Variants in BOC observed in about 807,000 individuals in gnomAD.
BOC encodes the protein brother of CDO.
A neutral mutation model predicts 112.0 loss-of-function variants in BOC; 76 were observed. The ratio of observed to expected loss-of-function variants is 0.68; its 90% CI spans 0.56 to 0.82. The LOEUF (loss-of-function observed/expected upper bound fraction) is 0.82. Ranked by LOEUF, BOC falls within the 40% of genes least tolerant of loss-of-function variation. BOC has a pLI of 0.00. For missense variants in BOC, 1,309 were observed against 1,511.7 expected, an observed-to-expected ratio of 0.87 and a Z score of 2.22; for synonymous variants, 580 against 599.8, an observed-to-expected ratio of 0.97 and a Z score of 0.48.
intron 2 of BOC, among the ~76,000 whole-genome samples, chr3:113,226,079 C>T (rs181449749): frequency 4.6e-5 from 7 of 152,246 alleles, no homozygotes; most frequent in Admixed American, 4.6e-4. Context: ...ATTTTCTGAA[C>T]CAAAAGACAA....
At chr3:113,281,690 G>A (rs1949216869) in intron 15 of BOC, among the ~76,000 whole-genome samples, 1 of 152,252 alleles carries the variant, frequency 6.6e-6, no homozygotes, top group Non-Finnish European at 1.5e-5. Flanking sequence ...TGGGGAGATA[G>A]CATTATCTCC....
intron 1 of BOC, among the ~76,000 whole-genome samples, chr3:113,213,582 C>A (rs1938698485): frequency 6.6e-6 from 1 of 152,226 alleles, no homozygotes; most frequent in East Asian, 1.9e-4. Flanking sequence ...ATCTGGGTGA[C>A]CTGTTTTCTG....
intron 4 of BOC, among the ~76,000 whole-genome samples, chr3:113,253,409 A>T (rs1490715896): frequency 1.3e-5 from 2 of 151,152 alleles, no homozygotes; most frequent in African/African-American, 2.4e-5. Context: ...AGGAACAAAA[A>T]TTTTTTTTAA....
intron 2 of BOC, among the ~76,000 whole-genome samples, chr3:113,229,106 G>A (rs952362551): frequency 6.6e-6 from 1 of 152,190 alleles, no homozygotes; most frequent in Non-Finnish European, 1.5e-5. Context: ...CTGCAGCTCT[G>A]AGGTGGGGTA....
chr3:113,236,276 C>A (rs1290406692), intron 2 of BOC, among the ~76,000 whole-genome samples: 29 of 45,108 alleles, frequency 6.4e-4, no homozygotes, highest in Admixed American at 1.1e-3. Flanking sequence ...GTATATATAC[C>A]CATGGGTATA....
chr3:113,276,699 A>G (rs2107692141), intron 9 of BOC, among the ~76,000 whole-genome samples: 1 of 152,246 alleles, frequency 6.6e-6, no homozygotes. Context: ...TTCCTGGTGC[A>G]TCTGCAGACC....
intron 4 of BOC, among the ~76,000 whole-genome samples, chr3:113,254,039 G>A (rs928015501): frequency 6.6e-6 from 1 of 152,202 alleles, no homozygotes; most frequent in Non-Finnish European, 1.5e-5. Flanking sequence ...GCTTCAAGGT[G>A]TATCTGTGTG....
At chr3:113,263,527 A>G (rs1044138977) in intron 4 of BOC, among the ~76,000 whole-genome samples, 3 of 152,210 alleles carry the variant, frequency 2.0e-5, no homozygotes, top group Admixed American at 2.0e-4. Flanking sequence ...GCAGGAGAAG[A>G]TTGAATGAAT....
intron 4 of BOC, among the ~76,000 whole-genome samples, chr3:113,255,309 C>G (rs918501377): frequency 3.3e-5 from 5 of 152,108 alleles, no homozygotes; most frequent in Admixed American, 6.5e-5. Flanking sequence ...CAGACCCTGC[C>G]AGGGAGCACT....
In BOC at chr3:113,287,260, T is replaced by C. The variant is rs1037844512; in HGVS notation, c.*398T>C. ...CAGCAAGGGGCACGGTATCACAGCC[T>C]GGAGACACCCACACAGATGGCTGGA... On this transcript the variant is annotated 3_prime_UTR_variant, in exon 20 of 20. Transcript: ENST00000682979. The C allele has an allele frequency of 1.2e-4, 42 of 342,724 alleles. No homozygotes were observed. The highest frequency in any genetic ancestry group is 2.1e-4 in the Non-Finnish European group (37 of 175,842). 21.2% of individuals were successfully genotyped at this position (342,724 alleles called of 1,614,324 possible).
At chr3:113,263,132 G>C (rs1947074023) in intron 4 of BOC, among the ~76,000 whole-genome samples, 1 of 152,228 alleles carries the variant, frequency 6.6e-6, no homozygotes, top group Non-Finnish European at 1.5e-5. Context: ...GGGACAAGTT[G>C]AGGCTTGGAG....
intron 4 of BOC, among the ~76,000 whole-genome samples, chr3:113,259,345 G>A (rs1027530504): frequency 2.6e-5 from 4 of 152,214 alleles, no homozygotes; most frequent in Non-Finnish European, 5.9e-5. Flanking sequence ...GGGAAGGGCT[G>A]TGTAGTATGT....
Position 113,286,983 on chromosome 3 carries a change from G to T in BOC, c.*121G>T. The T allele has an allele frequency of 9.9e-7, 1 of 1,014,026 alleles. No homozygotes were observed. The highest frequency in any genetic ancestry group is 1.5e-5 in the South Asian group (1 of 67,460). The allele number at this position is 1,014,026 out of a possible 1,614,324, so 62.8% of individuals were successfully genotyped here. A position where few individuals can be genotyped will look rare whatever the true frequency, so the allele number is the denominator to read the frequency against. On this transcript the variant is annotated 3_prime_UTR_variant, in exon 20 of 20. Transcript: ENST00000682979. The stretch of plus-strand genomic sequence containing the variant: ...ATTATAGCCATATTTATATATTTAT[G>T]CACTTGTAAATAAATGTATATGTTT...
chr3:113,273,203 A>G lies in BOC; in HGVS notation c.1096A>G (p.Ser366Gly). The G allele has an allele frequency of 6.2e-7, 1 of 1,613,796 alleles. No homozygotes were observed. Among genetic ancestry groups the G allele is most frequent in the Non-Finnish European group, 8.5e-7 (1 of 1,179,996 alleles). Residue 366 changes from serine (S) to glycine (G), a missense_variant, in exon 8 of 20, where the codon AGC (serine) becomes GGC (glycine). Physicochemically the swap from Ser to Gly is moderately conservative, Grantham distance 56. Transcript: ENST00000682979. ...WLRNAVPLIS[S>G]QRLRLSRRAL... ...GAGGAATGCTGTGCCCCTCATCTCC[A>G]GCCAGCGCCTCCGGCTCTCCCGCAG... is the stretch of plus-strand genomic sequence containing the variant.
intron 2 of BOC, among the ~76,000 whole-genome samples, chr3:113,217,802 T>C (rs1453565828): frequency 2.0e-5 from 3 of 152,224 alleles, no homozygotes; most frequent in Non-Finnish European, 4.4e-5. Context: ...AAACCTGGTA[T>C]CAGCATTAAC....
chr3:113,279,578 C>G, intron 12 of BOC, 123 bp downstream of exon 12: 1 of 978,338 alleles, frequency 1.0e-6, no homozygotes, highest in Non-Finnish European at 1.5e-6. Context: ...CAGCATGCCT[C>G]CATGTTGCTG....
At position 113,279,855 on chromosome 3, in the gene BOC, G is replaced by C; in HGVS notation, c.2055G>C (p.Leu685=). 3.1e-6 allele frequency: 5 copies of C among 1,612,004 alleles called. No individual in the cohort carries two copies. Among genetic ancestry groups the C allele is most frequent in the Non-Finnish European group, 4.2e-6 (5 of 1,178,892 alleles). ...CCTACAAGTTTCGAGTCCGGGCTCT[G>C]AACATGCTGGGGGAGAGCGAGCCCA... is the stretch of plus-strand genomic sequence containing the variant. ...GTSYKFRVRA[L]NMLGESEPSA... Residue 685 remains leucine (L), a synonymous_variant, in exon 13 of 20, where the codon CTG becomes CTC. Coordinates refer to ENST00000682979, the MANE Select transcript of BOC (RefSeq NM_001378074.1).
At chr3:113,270,135 A>G (rs1947951491) in intron 5 of BOC, 1 of 152,292 alleles carries the variant, frequency 6.6e-6, no homozygotes, top group African/African-American at 2.4e-5. Context: ...AGTGGTTGAA[A>G]GTCAGAATAT....
At chr3:113,255,672 G>T (rs1186688723) in intron 4 of BOC, among the ~76,000 whole-genome samples, 1 of 152,016 alleles carries the variant, frequency 6.6e-6, no homozygotes, top group East Asian at 1.9e-4. Flanking sequence ...GCTCCTTAAG[G>T]CCTCCTAGCG....
Sources: allele counts gnomAD v4.1 joint callset (sites outside exome capture counted in the v4.1 genomes callset), GRCh38; gene constraint gnomAD v4.1.1; transcripts MANE v1.5; gene names NCBI Gene and HGNC (gene_info 2026-07-23, HGNC 2026-07-21).